The following CCR3 variants were observed in gnomAD, a reference collection of about 807,000 sequenced individuals.
CCR3 encodes the protein C-C chemokine receptor type 3.
For missense variants in CCR3, 419 were observed against 437.5 expected (o/e 0.96, Z 0.38); for synonymous variants, 203 against 179.2 (o/e 1.13, Z -1.06).
At position 46,265,782 on chromosome 3, in the gene CCR3, C is replaced by T. The variant is rs774211188; in HGVS notation, c.624C>T (p.Leu208=). 3.1e-6 allele frequency: 5 copies of T among 1,613,734 alleles called. No individual in the cohort carries two copies. Among genetic ancestry groups the T allele is most frequent in the East Asian group, 2.2e-5 (1 of 44,890 alleles). The change falls in exon 2 of 2, where the codon CTC becomes CTT. Residue 208 remains leucine (L), a synonymous_variant. Coordinates refer to ENST00000395940, the MANE Select transcript of CCR3 (RefSeq NM_178329.3). ...FHTLRMTIFC[L]VLPLLVMAIC... Reference sequence around the variant, plus strand: ...CTCTGAGAATGACCATCTTCTGTCTCGTTCTCCCTCTGCTCGTTATGGCCA... The same window carrying T: ...CTCTGAGAATGACCATCTTCTGTCTTGTTCTCCCTCTGCTCGTTATGGCCA...
At chr3:46,224,161 T>C (rs1488138517) in intron 2 of CCR3, among the ~76,000 whole-genome samples, 1 of 152,212 alleles carries the variant, frequency 6.6e-6, no homozygotes, top group African/African-American at 2.4e-5. Flanking sequence ...CTAACATGTA[T>C]GTGAAAATGT....
At chr3:46,230,140 C>A (rs1010440159) in intron 2 of CCR3, among the ~76,000 whole-genome samples, 2 of 152,072 alleles carry the variant, frequency 1.3e-5, no homozygotes, top group African/African-American at 4.8e-5. Flanking sequence ...GAAAGGGGTG[C>A]ATAGGAAAGG....
intron 2 of CCR3, among the ~76,000 whole-genome samples, chr3:46,219,959 G>A (rs1319260316): frequency 2.6e-5 from 4 of 152,112 alleles, no homozygotes; most frequent in African/African-American, 9.7e-5. Flanking sequence ...GAACCCAAAA[G>A]CAAATGCAAC....
rs747882568 is a variant in CCR3 at position 46,265,589 on chromosome 3, C to T, written c.431C>T (p.Ala144Val). The part of the protein sequence containing the change: ...AIVHAVFALR[A>V]RTVTFGVITS... ...GTCCATGCTGTGTTTGCCCTTCGAG[C>T]CCGGACTGTCACTTTTGGTGTCATC... The change falls in exon 2 of 2, where the codon GCC becomes GTC. Residue 144 changes from alanine (A) to valine (V), a missense_variant. Ala to Val is a moderately conservative substitution (Grantham distance 64, BLOSUM62 0). Transcript: ENST00000395940. 1.2e-6 allele frequency: 2 copies of T among 1,614,138 alleles called. No individual in the cohort carries two copies. The highest frequency in any genetic ancestry group is 1.1e-5 in the South Asian group (1 of 91,080).
intron 1 of CCR3, among the ~76,000 whole-genome samples, chr3:46,242,982 C>CACATATATATATATATATATATACACAT (rs146505046): frequency 1.0e-5 from 1 of 99,326 alleles, no homozygotes; most frequent in Non-Finnish European, 1.9e-5. Flanking sequence ...TATATATACA[C>CACATATATATATATATATATATACACAT]ATATATATAT....
At chr3:46,262,407 A>C (rs1170159732) in intron 1 of CCR3, among the ~76,000 whole-genome samples, 3 of 152,196 alleles carry the variant, frequency 2.0e-5, no homozygotes, top group Admixed American at 6.5e-5. Context: ...ATCTGCACAG[A>C]GATATGTTAA....
chr3:46,219,683 C>A lies in CCR3; in HGVS notation c.-68+8776C>A, dbSNP rs556807390. 7.9e-5 allele frequency among the ~76,000 whole-genome samples: 12 copies of A among 152,210 alleles called. No individual in the cohort carries two copies. In the South Asian group the frequency reaches 2.5e-3, roughly 32 times the overall value. On this transcript the variant is annotated intron_variant, in intron 2 of 3. Coordinates refer to the CCR3 transcript ENST00000357422. ...CAGAATAGAGAACCCAGAAATAAAG[C>A]CAAATACTTACAACCAACTGATCTT... is the stretch of plus-strand genomic sequence containing the variant.
intron 2 of CCR3, among the ~76,000 whole-genome samples, chr3:46,223,158 C>A (rs1216065234): frequency 6.6e-6 from 1 of 152,090 alleles, no homozygotes; most frequent in African/African-American, 2.4e-5. Context: ...TCGAGACCAG[C>A]CTGGCCAATG....
intron 1 of CCR3, among the ~76,000 whole-genome samples, chr3:46,246,669 G>T (rs867099121): frequency 6.6e-6 from 1 of 152,118 alleles, no homozygotes; most frequent in Admixed American, 6.5e-5. Context: ...CCATCTGGGC[G>T]TATATGTGCA....
intron 1 of CCR3, among the ~76,000 whole-genome samples, chr3:46,249,204 A>C (rs1331537649): frequency 6.6e-6 from 1 of 152,110 alleles, no homozygotes; most frequent in Non-Finnish European, 1.5e-5. Flanking sequence ...TGGATTGGGA[A>C]GAAGGGCAGC....
chr3:46,256,532 TA>T (rs1227432619), intron 1 of CCR3, among the ~76,000 whole-genome samples: 1 of 152,124 alleles, frequency 6.6e-6, no homozygotes, highest in Admixed American at 6.5e-5. Context: ...GAAAAACTTA[TA>T]AAAACACAAC....
intron 1 of CCR3, among the ~76,000 whole-genome samples, chr3:46,253,812 G>T (rs1350857097): frequency 6.6e-6 from 1 of 152,082 alleles, no homozygotes; most frequent in Admixed American, 6.6e-5. Context: ...TCTAAATTCT[G>T]TTAATAGAAA....
intron 2 of CCR3, among the ~76,000 whole-genome samples, chr3:46,217,798 C>T (rs150477849): frequency 6.6e-6 from 1 of 152,032 alleles, no homozygotes; most frequent in East Asian, 1.9e-4. Flanking sequence ...ATCAAAACCT[C>T]TGGGATACAG....
At chr3:46,256,124 T>A (rs1327368097) in intron 1 of CCR3, among the ~76,000 whole-genome samples, 1 of 152,138 alleles carries the variant, frequency 6.6e-6, no homozygotes, top group Non-Finnish European at 1.5e-5. Context: ...ATTTTGAACT[T>A]TTTTTGTGAT....
rs1199126519 is a variant in CCR3 at position 46,266,610 on chromosome 3, C to T, written c.*384C>T. The T allele has an allele frequency of 5.4e-6, 1 of 185,382 alleles. No individual in the cohort carries two copies. Among genetic ancestry groups the T allele is most frequent in the African/African-American group, 2.4e-5 (1 of 42,150 alleles). 11.5% of individuals were successfully genotyped at this position (185,382 alleles called of 1,614,324 possible). ...ATAAATAAAACATTTTCACACAATA[C>T]AATAAGTTAACTATTTTATTTTCTA... On this transcript the variant is annotated 3_prime_UTR_variant, in exon 2 of 2. Transcript: ENST00000395940.
At chr3:46,251,788 C>T (rs1189982003) in intron 1 of CCR3, among the ~76,000 whole-genome samples, 3 of 152,186 alleles carry the variant, frequency 2.0e-5, no homozygotes, top group South Asian at 2.1e-4. Flanking sequence ...GGGGTTTGTT[C>T]TCTGGCAGGC....
chr3:46,213,522 C>T (rs193271134), intron 2 of CCR3, among the ~76,000 whole-genome samples: 1 of 152,284 alleles, frequency 6.6e-6, no homozygotes, highest in East Asian at 1.9e-4. Flanking sequence ...TGTGTGTACT[C>T]GGCTTGGAGG....
chr3:46,229,478 T>C (rs1699938382), intron 2 of CCR3, among the ~76,000 whole-genome samples: 1 of 152,134 alleles, frequency 6.6e-6, no homozygotes, highest in Non-Finnish European at 1.5e-5. Context: ...ATTGATGATA[T>C]AAATTGCCTT....
At chr3:46,218,228 T>TA (rs1279659177) in intron 2 of CCR3, among the ~76,000 whole-genome samples, 1 of 151,842 alleles carries the variant, frequency 6.6e-6, no homozygotes, top group East Asian at 1.9e-4. Context: ...AGGAGATGGA[T>TA]AAATTCCTAG....
Sources: allele counts gnomAD v4.1 joint callset (sites outside exome capture counted in the v4.1 genomes callset), GRCh38; gene constraint gnomAD v4.1.1; transcripts MANE v1.5; gene names NCBI Gene and HGNC (gene_info 2026-07-23, HGNC 2026-07-21).